Variants in TENM3 observed in about 807,000 individuals in gnomAD.
TENM3 encodes teneurin transmembrane protein 3.
TENM3 carries 63 observed loss-of-function variants against 255.1 expected under a neutral mutation model. The observed-to-expected ratio is 0.25, with a 90% confidence interval of 0.20 to 0.30. TENM3 has a LOEUF of 0.30. TENM3 is among the 10% of genes least tolerant of loss of function. The pLI is 1.00. For missense variants in TENM3, 2,929 were observed against 3,461.1 expected (o/e 0.85, Z 3.86); for synonymous variants, 1,306 against 1,322.3 (o/e 0.99, Z 0.27).
the TENM3 span, among the ~76,000 whole-genome samples, chr4:181,510,822 CTAGAG>C: frequency 6.6e-5 from 10 of 152,162 alleles, no homozygotes; most frequent in African/African-American, 9.6e-5. Context: ...TTTTCTCACT[CTAGAG>C]TAAAGTTTTG....
In TENM3 at chr4:182,793,489, C is replaced by T. The variant is rs3811763; in HGVS notation, c.6817C>T (p.Leu2273=). 9.3e-4 allele frequency: 1,504 copies of T among 1,613,932 alleles called. 21 individuals are homozygous for T. In the East Asian group the frequency reaches 0.029, roughly 31 times the overall value. The change falls in exon 26 of 28, where the codon CTG becomes TTG. Residue 2273 remains leucine (L), a synonymous_variant. Transcript: ENST00000511685. The surrounding 1 kb of genome is among the most constrained non-coding windows in gnomAD (Gnocchi z 5.7). ...CCATTCGAGTTCAGAAATTACCTCC[C>T]TGTATTATGATCTCCAAGGACATCT... ...YNHSSSEITS[L]YYDLQGHLFA...
intron 1 of TENM3, among the ~76,000 whole-genome samples, chr4:182,185,826 A>G (rs966536082): frequency 3.3e-5 from 5 of 152,226 alleles, no homozygotes; most frequent in African/African-American, 1.2e-4. Context: ...TACGCTTCGC[A>G]GTGTGCCAAA....
intron 3 of TENM3, among the ~76,000 whole-genome samples, chr4:182,349,263 G>C (rs1464335602): frequency 1.3e-5 from 2 of 152,168 alleles, no homozygotes; most frequent in Non-Finnish European, 2.9e-5. Flanking sequence ...AATTCCAAAT[G>C]AGAGCAGTTT....
chr4:182,693,961 T>C (rs1203159645), intron 12 of TENM3, among the ~76,000 whole-genome samples: 1 of 152,228 alleles, frequency 6.6e-6, no homozygotes, highest in Non-Finnish European at 1.5e-5. Context: ...ACAAAACTCC[T>C]GTCCAGGACA....
At chr4:181,828,628 G>A in the TENM3 span, among the ~76,000 whole-genome samples, 1 of 151,766 alleles carries the variant, frequency 6.6e-6, no homozygotes, top group Non-Finnish European at 1.5e-5. Flanking sequence ...CTGTTGCCCA[G>A]GCACTGAGAA....
intron 1 of TENM3, among the ~76,000 whole-genome samples, chr4:182,294,803 T>C (rs1420318234): frequency 6.6e-6 from 1 of 152,210 alleles, no homozygotes; most frequent in Non-Finnish European, 1.5e-5. Context: ...GGGTGTTCTT[T>C]TTCTGGGATA....
chr4:182,667,345 C>A (rs1754788449), intron 6 of TENM3, among the ~76,000 whole-genome samples: 1 of 152,032 alleles, frequency 6.6e-6, no homozygotes, highest in African/African-American at 2.4e-5. Flanking sequence ...CGCCCGCCAC[C>A]ACACCCAGCT....
chr4:182,708,995 T>C (rs1758533077), intron 12 of TENM3, among the ~76,000 whole-genome samples: 1 of 152,122 alleles, frequency 6.6e-6, no homozygotes, highest in Non-Finnish European at 1.5e-5. Flanking sequence ...TGTGGTTTTT[T>C]ATTTTGAGAC....
chr4:182,566,558 T>C (rs1743810728), intron 3 of TENM3, among the ~76,000 whole-genome samples: 1 of 152,218 alleles, frequency 6.6e-6, no homozygotes. Flanking sequence ...CAATACTGAA[T>C]TATGCCAGTG....
chr4:182,397,427 A>AAAAAAAAG (rs1768914876), intron 3 of TENM3, among the ~76,000 whole-genome samples: 1 of 128,376 alleles, frequency 7.8e-6, no homozygotes, highest in Non-Finnish European at 1.7e-5. Flanking sequence ...AAAAAAAAAA[A>AAAAAAAAG]AATCAAACAA....
intron 3 of TENM3, among the ~76,000 whole-genome samples, chr4:182,424,033 A>T (rs1442327458): frequency 6.6e-6 from 1 of 152,200 alleles, no homozygotes; most frequent in Non-Finnish European, 1.5e-5. Flanking sequence ...TTTTTGAAAA[A>T]GCAGTTTTCA....
At chr4:182,785,952 A>G (rs1320315025) in intron 24 of TENM3, among the ~76,000 whole-genome samples, 5 of 152,122 alleles carry the variant, frequency 3.3e-5, no homozygotes, top group East Asian at 3.9e-4. Context: ...ATCTTTTGAA[A>G]TGTTCCGTAC....
At chr4:182,516,707 A>G (rs911059272) in intron 3 of TENM3, among the ~76,000 whole-genome samples, 1 of 152,162 alleles carries the variant, frequency 6.6e-6, no homozygotes, top group South Asian at 2.1e-4. Flanking sequence ...CCTGGCCAAC[A>G]TGGTGAAACC....
chr4:182,616,001 C>A (rs143505825), intron 4 of TENM3, among the ~76,000 whole-genome samples: 1 of 152,184 alleles, frequency 6.6e-6, no homozygotes, highest in Admixed American at 6.5e-5. Context: ...GTTCCTGGAG[C>A]AGCCCCGTCA....
intron 5 of TENM3, among the ~76,000 whole-genome samples, chr4:182,637,214 T>G (rs1751919302): frequency 6.6e-6 from 1 of 152,238 alleles, no homozygotes; most frequent in African/African-American, 2.4e-5. Flanking sequence ...AAACAAAGGT[T>G]TCATCCTAGA....
chr4:181,633,153 G>A, the TENM3 span, among the ~76,000 whole-genome samples: 1 of 152,168 alleles, frequency 6.6e-6, no homozygotes, highest in South Asian at 2.1e-4. Flanking sequence ...GAGGACAAAG[G>A]CTATGCAGTT....
At chr4:181,641,430 G>C in the TENM3 span, among the ~76,000 whole-genome samples, 1 of 150,096 alleles carries the variant, frequency 6.7e-6, no homozygotes, top group Non-Finnish European at 1.5e-5. Flanking sequence ...GAGAACATGC[G>C]GTGTTTGGTT....
At chr4:182,072,848 A>T in the TENM3 span, among the ~76,000 whole-genome samples, 159 of 152,208 alleles carry the variant, frequency 1.0e-3, no homozygotes, top group African/African-American at 3.7e-3. Flanking sequence ...TGCTCCCCAA[A>T]ATTTGCATTT....
the TENM3 span, among the ~76,000 whole-genome samples, chr4:181,588,883 G>T: frequency 6.6e-6 from 1 of 152,212 alleles, no homozygotes; most frequent in Non-Finnish European, 1.5e-5. Context: ...GGATGGAGAT[G>T]TCAACCCCAT....
Sources: gnomAD v4.1 joint callset for allele counts (sites outside exome capture counted in the v4.1 genomes callset) on GRCh38, gnomAD v4.1.1 for gene constraint, Gnocchi (gnomAD v3.1) non-coding constraint, MANE v1.5 for transcripts, NCBI Gene and HGNC (gene_info 2026-07-23, HGNC 2026-07-21) for gene names.